Variants in ADAMTS2 observed in about 807,000 individuals in gnomAD.
ADAMTS2 encodes ADAM metallopeptidase with thrombospondin type 1 motif 2.
In ADAMTS2, 50 loss-of-function variants were observed where a neutral mutation model predicts 123.0. That is an observed-to-expected ratio of 0.41 (90% confidence interval 0.32 to 0.51). ADAMTS2 has a LOEUF of 0.51. Among genes scored for constraint, ADAMTS2 ranks in the 20% least tolerant of loss-of-function variants. ADAMTS2 has a pLI of 0.35. For missense variants in ADAMTS2, 1,494 were observed against 1,705.2 expected (o/e 0.88, Z 2.18); for synonymous variants, 678 against 695.4 (o/e 0.98, Z 0.39).
rs567512566 is a variant in ADAMTS2, at chr5:179,312,562, A to G, written c.534+31205T>C. Among the ~76,000 whole-genome samples, 1 of 152,328 alleles carries G rather than the reference A, an allele frequency of 6.6e-6. No individual in the cohort carries two copies. Among genetic ancestry groups the G allele is most frequent in the East Asian group, 1.9e-4 (1 of 5,186 alleles). ...GCCGCTCCGTTTATGGTATTTGGCT[A>G]TAGCAGCCTGCATGGACTAAGACAG... On this transcript the variant is annotated intron_variant, in intron 2 of 21. Transcript: ENST00000251582. This position sits in a 1 kb window ranked among gnomAD's most constrained non-coding sequence, Gnocchi z 4.2.
At chr5:179,310,072 A>G (rs1031845028) in intron 2 of ADAMTS2, among the ~76,000 whole-genome samples, 1 of 152,188 alleles carries the variant, frequency 6.6e-6, no homozygotes, top group Non-Finnish European at 1.5e-5. Context: ...GCCCAGGTTG[A>G]TGCCTTGACT....
chr5:179,279,005 T>C (rs62395003), intron 2 of ADAMTS2, among the ~76,000 whole-genome samples: 12,481 of 151,748 alleles, frequency 0.082, 681 homozygotes, highest in East Asian at 0.21. Flanking sequence ...AGCCTGGAAG[T>C]TAGGGGTTCA....
Position 179,186,680 on chromosome 5 carries a change from A to T in ADAMTS2, c.892-5525T>A, listed in dbSNP as rs765467459. On this transcript the variant is annotated intron_variant, in intron 4 of 21. Coordinates refer to ENST00000251582, the MANE Select transcript of ADAMTS2 (RefSeq NM_014244.5). ...CAGCGGCAACATTTCTGCAGAGCAGAGAGTCGACTGATGTGGCAAAAAGAG... is the reference window on the plus strand; with the variant it reads ...CAGCGGCAACATTTCTGCAGAGCAGTGAGTCGACTGATGTGGCAAAAAGAG... Among the ~76,000 whole-genome samples, 34 of 152,346 alleles carry T rather than the reference A, an allele frequency of 2.2e-4. No individual in the cohort carries two copies. The South Asian group carries it at 2.5e-3, about 11-fold the overall frequency.
At position 179,140,778 on chromosome 5, in the gene ADAMTS2, C is replaced by T. The variant is rs192826858; in HGVS notation, c.1630-743G>A. ...AATACATTGACTGACAGAACTTTTCCTTCAGTTCCGACTGCATGCTCTTTT... is the reference window on the plus strand; with the variant it reads ...AATACATTGACTGACAGAACTTTTCTTTCAGTTCCGACTGCATGCTCTTTT... On this transcript the variant is annotated intron_variant, in intron 10 of 21. Coordinates refer to ENST00000251582, the MANE Select transcript of ADAMTS2 (RefSeq NM_014244.5). Among the ~76,000 whole-genome samples the T allele has an allele frequency of 2.1e-5, 3 of 146,222 alleles. No individual in the cohort carries two copies. The Admixed American group carries it at 2.1e-4, about 10-fold the overall frequency.
Position 179,207,823 on chromosome 5 carries a change from A to T in ADAMTS2, c.689-108T>A, listed in dbSNP as rs984121931. 1.0e-4 allele frequency: 98 copies of T among 949,230 alleles called. No homozygotes were observed. In the Admixed American group the frequency reaches 1.8e-3, roughly 18 times the overall value. 58.8% of individuals were successfully genotyped at this position (949,230 alleles called of 1,614,324 possible). On this transcript the variant is annotated intron_variant, in intron 3 of 21. Coordinates refer to ENST00000251582, the MANE Select transcript of ADAMTS2 (RefSeq NM_014244.5). ...TCATTTAAAACTCATAGCACCCTGA[A>T]CCGAGGGTATTATTCCATTTTACAG...
intron 3 of ADAMTS2, 70 bp from the exon 4 acceptor site, chr5:179,207,785 C>T (rs551251339): frequency 1.4e-6 from 2 of 1,396,906 alleles, no homozygotes; most frequent in East Asian, 2.3e-5. Flanking sequence ...CAGGCGCCAG[C>T]TTGGCCATCC....
intron 4 of ADAMTS2, among the ~76,000 whole-genome samples, chr5:179,193,587 C>T (rs1247644156): frequency 2.6e-5 from 4 of 152,194 alleles, no homozygotes; most frequent in African/African-American, 7.2e-5. Context: ...CACCCAGCCA[C>T]GAGGAGTTCC....
chr5:179,299,385 C>CAA (rs1756440162), intron 2 of ADAMTS2, among the ~76,000 whole-genome samples: 1 of 23,470 alleles, frequency 4.3e-5, no homozygotes, highest in Non-Finnish European at 9.1e-5. Flanking sequence ...AAAAATCAGC[C>CAA]GGCCGTGGTG....
chr5:179,328,401 A>G (rs1290992098), intron 2 of ADAMTS2, among the ~76,000 whole-genome samples: 1 of 152,218 alleles, frequency 6.6e-6, no homozygotes, highest in African/African-American at 2.4e-5. Flanking sequence ...AGTAACAGAG[A>G]GACTGCTTTG....
chr5:179,326,374 G>C (rs1757320561), intron 2 of ADAMTS2, among the ~76,000 whole-genome samples: 1 of 151,912 alleles, frequency 6.6e-6, no homozygotes, highest in Admixed American at 6.5e-5. Flanking sequence ...TTCTTATTCT[G>C]ACCCAGGAAT....
rs1405764455 is a variant in ADAMTS2, at chr5:179,345,177, G to A, written c.139+13C>T. On this transcript the variant is annotated intron_variant, in intron 1 of 21. Coordinates refer to ENST00000251582, the MANE Select transcript of ADAMTS2 (RefSeq NM_014244.5). This position sits in a 1 kb window ranked among gnomAD's most constrained non-coding sequence, Gnocchi z 7.5. ...GCGGGGGTCCCGGGGAGTAGGGGCC[G>A]GGCCGCACCTACCTGGGGGGTCGGC... 2 of 1,100,928 alleles carry A rather than the reference G, an allele frequency of 1.8e-6. No homozygotes were observed. The highest frequency in any genetic ancestry group is 1.1e-6 in the Non-Finnish European group (1 of 908,100). 68.2% of individuals were successfully genotyped at this position (1,100,928 alleles called of 1,614,324 possible).
At chr5:179,124,728 G>C (rs920813292) in intron 19 of ADAMTS2, among the ~76,000 whole-genome samples, 1 of 152,150 alleles carries the variant, frequency 6.6e-6, no homozygotes, top group African/African-American at 2.4e-5. Context: ...AGCTCAGTTT[G>C]GGAGCTGAGG....
At chr5:179,247,868 A>T (rs564213833) in intron 3 of ADAMTS2, among the ~76,000 whole-genome samples, 4 of 152,166 alleles carry the variant, frequency 2.6e-5, no homozygotes, top group Non-Finnish European at 5.9e-5. Flanking sequence ...CCCTCCAATA[A>T]GTGTTAAAGA....
Position 179,162,794 on chromosome 5 carries a change from C to T in ADAMTS2, c.976-3915G>A, listed in dbSNP as rs1581162420. ...GTCATTTATGCCTGAAGAAGTTCCT[C>T]TCCTTGTGAAAGCCAATTCTGAGTT... is the stretch of plus-strand genomic sequence containing the variant. On this transcript the variant is annotated intron_variant, in intron 5 of 21. Coordinates refer to ENST00000251582, the MANE Select transcript of ADAMTS2 (RefSeq NM_014244.5). This position sits in a 1 kb window ranked among gnomAD's most constrained non-coding sequence, Gnocchi z 5.1. 2.0e-5 allele frequency among the ~76,000 whole-genome samples: 3 copies of T among 152,234 alleles called. No individual in the cohort carries two copies. The highest frequency in any genetic ancestry group is 3.9e-4 in the East Asian group (2 of 5,194).
chr5:179,284,816 GGTGACC>G (rs1755970577), intron 2 of ADAMTS2, among the ~76,000 whole-genome samples: 1 of 152,158 alleles, frequency 6.6e-6, no homozygotes, highest in African/African-American at 2.4e-5. Context: ...ATGACATATT[GGTGACC>G]GAAGAAGGCG....
At chr5:179,292,238 C>T (rs540200323) in intron 2 of ADAMTS2, among the ~76,000 whole-genome samples, 1 of 151,894 alleles carries the variant, frequency 6.6e-6, no homozygotes, top group Admixed American at 6.6e-5. Flanking sequence ...GCACTAAATA[C>T]ATGGGGCTGG....
At chr5:179,121,224 G>A (rs1441240655) in intron 21 of ADAMTS2, 2 of 153,934 alleles carry the variant, frequency 1.3e-5, no homozygotes, top group East Asian at 3.9e-4. Flanking sequence ...GAGTCAGAAG[G>A]ACACGCTCAG....
At chr5:179,254,018 G>A (rs1170136860) in intron 3 of ADAMTS2, among the ~76,000 whole-genome samples, 1 of 152,174 alleles carries the variant, frequency 6.6e-6, no homozygotes, top group African/African-American at 2.4e-5. Flanking sequence ...GGGGCAGCAG[G>A]GCACAAGGCC....
Position 179,326,542 on chromosome 5 carries a change from A to G in ADAMTS2, c.534+17225T>C, listed in dbSNP as rs1466461532. Among the ~76,000 whole-genome samples, 13 of 129,920 alleles carry G rather than the reference A, an allele frequency of 1.0e-4. No individual in the cohort carries two copies. In the Admixed American group the frequency reaches 1.0e-3, roughly 10 times the overall value. 85.2% of individuals were successfully genotyped at this position (129,920 alleles called of 152,430 possible). On this transcript the variant is annotated intron_variant, in intron 2 of 21. Transcript: ENST00000251582. Reference sequence around the variant, plus strand: ...CCCGCCCACAGAGCTCTCAAAAGGGACAAAATCTGCACCTGGCTCCGTGTG... The same window carrying G: ...CCCGCCCACAGAGCTCTCAAAAGGGGCAAAATCTGCACCTGGCTCCGTGTG...
Sources: allele counts gnomAD v4.1 joint callset (sites outside exome capture counted in the v4.1 genomes callset), GRCh38; gene constraint gnomAD v4.1.1; non-coding constraint Gnocchi (gnomAD v3.1); transcripts MANE v1.5; gene names NCBI Gene and HGNC (gene_info 2026-07-23, HGNC 2026-07-21).